PTPRN2: variants seen among roughly 807,000 people sequenced by gnomAD.
PTPRN2 encodes the protein receptor-type tyrosine-protein phosphatase N2.
A neutral mutation model predicts 118.8 loss-of-function variants in PTPRN2; 74 were observed. The ratio of observed to expected loss-of-function variants is 0.62; its 90% CI spans 0.52 to 0.76. The LOEUF (loss-of-function observed/expected upper bound fraction) is 0.76. PTPRN2 is among the 30% of genes least tolerant of loss of function. The pLI is 0.00. For missense variants in PTPRN2, 1,481 were observed against 1,394.4 expected, an observed-to-expected ratio of 1.06 and a Z score of -0.99; for synonymous variants, 641 against 608.0, an observed-to-expected ratio of 1.05 and a Z score of -0.80.
At chr7:158,273,460 G>GCAGGGGGAGCCGCAGGCA (rs1360267248) in intron 3 of PTPRN2, among the ~76,000 whole-genome samples, 7,478 of 62,200 alleles carry the variant, frequency 0.12, 1,190 homozygotes, top group Non-Finnish European at 0.15. Context: ...AGCCGCAGAC[G>GCAGGGGGAGCCGCAGGCA]CAGGGGGAGC....
rs557992443 is a variant in PTPRN2, at chr7:157,621,065, G to C, written c.2344+297C>G. On this transcript the variant is annotated intron_variant, in intron 15 of 22. Coordinates refer to ENST00000389418, the MANE Select transcript of PTPRN2 (RefSeq NM_002847.5). Reference sequence around the variant, plus strand: ...TCAGCATGGCCAGTTTCCCCCTCCTGTCACCCTGGCCACCTGCCCCCGGGG... The same window carrying C: ...TCAGCATGGCCAGTTTCCCCCTCCTCTCACCCTGGCCACCTGCCCCCGGGG... Among the ~76,000 whole-genome samples, 45 of 148,988 alleles carry C rather than the reference G, an allele frequency of 3.0e-4. No individual in the cohort carries two copies. In the South Asian group the frequency reaches 4.1e-3, roughly 13 times the overall value.
chr7:158,147,289 C>T (rs1820193445), intron 6 of PTPRN2, among the ~76,000 whole-genome samples: 1 of 120,226 alleles, frequency 8.3e-6, no homozygotes, highest in African/African-American at 3.3e-5. Context: ...CGTGTCTTTC[C>T]CCTTCAATGA....
At chr7:157,613,217 C>T (rs1252017238) in intron 15 of PTPRN2, among the ~76,000 whole-genome samples, 2 of 152,252 alleles carry the variant, frequency 1.3e-5, no homozygotes, top group Non-Finnish European at 2.9e-5. Context: ...GCTGACGAGG[C>T]CGTTTTCTGG....
intron 11 of PTPRN2, among the ~76,000 whole-genome samples, chr7:157,962,590 T>A (rs1801620013): frequency 6.6e-6 from 1 of 152,202 alleles, no homozygotes; most frequent in Non-Finnish European, 1.5e-5. Flanking sequence ...ACCCCAGGCC[T>A]TTTATTGGTA....
chr7:158,304,167 C>T (rs1377771375), intron 3 of PTPRN2, among the ~76,000 whole-genome samples: 3 of 149,814 alleles, frequency 2.0e-5, no homozygotes, highest in Non-Finnish European at 4.4e-5. Flanking sequence ...TGTACACAGG[C>T]TTGGATTTCT....
chr7:158,012,966 G>C (rs561041071), intron 11 of PTPRN2, among the ~76,000 whole-genome samples: 2 of 152,308 alleles, frequency 1.3e-5, no homozygotes, highest in South Asian at 2.1e-4. Flanking sequence ...TCTCCATGGA[G>C]AGTGGAGGTG....
chr7:158,442,141 AGTGGTG>A (rs755285871), intron 2 of PTPRN2, among the ~76,000 whole-genome samples: 1 of 136,702 alleles, frequency 7.3e-6, no homozygotes. Context: ...TGGTGGTGGC[AGTGGTG>A]GTGATGGTGA....
At chr7:158,454,308 C>G (rs866775570) in intron 2 of PTPRN2, among the ~76,000 whole-genome samples, 192 of 146,576 alleles carry the variant, frequency 1.3e-3, no homozygotes, top group African/African-American at 4.4e-3. Flanking sequence ...AGACACAACA[C>G]ACACAATCAC....
chr7:157,645,142 G>A (rs1034712135), intron 14 of PTPRN2, among the ~76,000 whole-genome samples: 6 of 152,244 alleles, frequency 3.9e-5, no homozygotes, highest in African/African-American at 1.2e-4. Flanking sequence ...TGTGATTGAT[G>A]TTGCGTGGAC....
chr7:157,721,318 C>G (rs957267956), intron 12 of PTPRN2, among the ~76,000 whole-genome samples: 2 of 152,184 alleles, frequency 1.3e-5, no homozygotes, highest in African/African-American at 4.8e-5. Flanking sequence ...CTTCCCTCGT[C>G]GGAAAGTCTC....
chr7:158,253,472 C>T (rs1215407146), intron 3 of PTPRN2, among the ~76,000 whole-genome samples: 1 of 152,224 alleles, frequency 6.6e-6, no homozygotes, highest in Non-Finnish European at 1.5e-5. Flanking sequence ...GGGTGATTGC[C>T]GCGCCTGTTG....
intron 12 of PTPRN2, among the ~76,000 whole-genome samples, chr7:157,720,435 G>A (rs1799166955): frequency 1.3e-5 from 2 of 152,232 alleles, no homozygotes; most frequent in African/African-American, 4.8e-5. Context: ...GGGAACGCGT[G>A]CGGCCCACAG....
At chr7:158,291,595 C>A (rs780278193) in intron 3 of PTPRN2, among the ~76,000 whole-genome samples, 2 of 152,176 alleles carry the variant, frequency 1.3e-5, no homozygotes, top group Non-Finnish European at 2.9e-5. Context: ...CAAGAAACAA[C>A]CCTGACAGAT....
At chr7:158,425,892 G>A (rs1309557868) in intron 2 of PTPRN2, among the ~76,000 whole-genome samples, 9 of 141,816 alleles carry the variant, frequency 6.3e-5, no homozygotes, top group Admixed American at 4.1e-4. Context: ...GCTGAGGCCT[G>A]CACAGCGCCG....
chr7:158,376,113 G>A (rs1386333076), intron 2 of PTPRN2, among the ~76,000 whole-genome samples: 1 of 152,144 alleles, frequency 6.6e-6, no homozygotes, highest in Non-Finnish European at 1.5e-5. Context: ...CCCCACCCCT[G>A]GATGCTACTG....
chr7:157,672,858 TG>T (rs1406383331), intron 13 of PTPRN2, among the ~76,000 whole-genome samples: 8 of 152,274 alleles, frequency 5.3e-5, no homozygotes, highest in Non-Finnish European at 1.2e-4. Flanking sequence ...TACTGGCTAA[TG>T]TAATCGTCTG....
chr7:157,981,442 A>G (rs1237713471), intron 11 of PTPRN2, among the ~76,000 whole-genome samples: 2 of 151,946 alleles, frequency 1.3e-5, no homozygotes, highest in Non-Finnish European at 2.9e-5. Context: ...CTTCAACTAA[A>G]CCAATCAATA....
At chr7:158,212,519 C>G (rs1585865081) in intron 3 of PTPRN2, among the ~76,000 whole-genome samples, 1 of 152,024 alleles carries the variant, frequency 6.6e-6, no homozygotes, top group African/African-American at 2.4e-5. Context: ...CACCTGTGTA[C>G]CCACAAAAAT....
chr7:157,909,851 C>A (rs938386594), intron 11 of PTPRN2, among the ~76,000 whole-genome samples: 1 of 152,200 alleles, frequency 6.6e-6, no homozygotes, highest in African/African-American at 2.4e-5. Flanking sequence ...GAACACTGTC[C>A]AGCACATTAG....
Sources: gnomAD v4.1 joint callset for allele counts (sites outside exome capture counted in the v4.1 genomes callset) on GRCh38, gnomAD v4.1.1 for gene constraint, MANE v1.5 for transcripts, NCBI Gene and HGNC (gene_info 2026-07-23, HGNC 2026-07-21) for gene names.